The following GPM6A variants were observed in gnomAD, a reference collection of about 807,000 sequenced individuals.
GPM6A encodes the protein neuronal membrane glycoprotein M6-a.
Under a neutral mutation model 32.1 loss-of-function variants are expected in GPM6A, and 7 were observed. The observed-to-expected ratio is 0.22, with a 90% CI of 0.12 to 0.41. The LOEUF (loss-of-function observed/expected upper bound fraction) is 0.41, where lower values mean the gene tolerates loss of function less well. Ranked by LOEUF, GPM6A falls within the 10% of genes least tolerant of loss-of-function variation. GPM6A has a pLI of 1.00. For missense variants in GPM6A, 235 were observed against 347.2 expected, an observed-to-expected ratio of 0.68 and a Z score of 2.57; for synonymous variants, 130 against 123.4, an observed-to-expected ratio of 1.05 and a Z score of -0.35.
chr4:175,779,683 A>T (rs1196688792), intron 1 of GPM6A, among the ~76,000 whole-genome samples: 1 of 152,146 alleles, frequency 6.6e-6, no homozygotes, highest in East Asian at 1.9e-4. Flanking sequence ...AATAACAAAA[A>T]ACTTTTCTAT....
chr4:175,996,155 T>G (rs1018397354), intron 1 of GPM6A, among the ~76,000 whole-genome samples: 6 of 152,218 alleles, frequency 3.9e-5, no homozygotes, highest in African/African-American at 1.4e-4. Flanking sequence ...TCATTTACCC[T>G]AATTTTTCTT....
At chr4:175,745,515 C>A (rs905101047) in intron 1 of GPM6A, among the ~76,000 whole-genome samples, 1 of 152,168 alleles carries the variant, frequency 6.6e-6, no homozygotes, top group East Asian at 1.9e-4. Context: ...GCTAGAAGAA[C>A]CCAGATGAAT....
chr4:175,651,545 A>C (rs994572653), intron 4 of GPM6A, among the ~76,000 whole-genome samples: 1 of 152,118 alleles, frequency 6.6e-6, no homozygotes, highest in African/African-American at 2.4e-5. Flanking sequence ...AGAGCAAAGG[A>C]ATCAAGAAAA....
intron 1 of GPM6A, among the ~76,000 whole-genome samples, chr4:175,773,858 T>A (rs1322656599): frequency 6.6e-6 from 1 of 152,140 alleles, no homozygotes; most frequent in Non-Finnish European, 1.5e-5. Context: ...AAGACTGTTT[T>A]TAAAAATAGA....
chr4:175,998,358 C>T (rs1394290938), intron 1 of GPM6A, among the ~76,000 whole-genome samples: 2 of 151,998 alleles, frequency 1.3e-5, no homozygotes, highest in Non-Finnish European at 2.9e-5. Flanking sequence ...CACTATGTTG[C>T]TCAGGTTGGT....
intron 1 of GPM6A, among the ~76,000 whole-genome samples, chr4:175,835,064 C>A (rs1735722536): frequency 6.6e-6 from 1 of 152,200 alleles, no homozygotes; most frequent in Admixed American, 6.5e-5. Flanking sequence ...GAAGACAGTG[C>A]TGCCGAACTT....
chr4:175,843,361 T>G (rs1037954845), intron 1 of GPM6A, among the ~76,000 whole-genome samples: 9 of 152,204 alleles, frequency 5.9e-5, no homozygotes, highest in Non-Finnish European at 1.2e-4. Flanking sequence ...AAGCTAAATG[T>G]AAATCTACTG....
chr4:175,947,332 G>T (rs540588695), intron 1 of GPM6A, among the ~76,000 whole-genome samples: 1 of 152,038 alleles, frequency 6.6e-6, no homozygotes, highest in South Asian at 2.1e-4. Flanking sequence ...GGAAAACTTC[G>T]ACTGAAGAAA....
At chr4:175,720,800 TCACAGC>T (rs1431238057) in intron 1 of GPM6A, among the ~76,000 whole-genome samples, 1 of 152,032 alleles carries the variant, frequency 6.6e-6, no homozygotes, top group Non-Finnish European at 1.5e-5. Flanking sequence ...TATACTGAAT[TCACAGC>T]AAGAGAACCA....
chr4:175,648,609 C>G (rs1030096416), intron 4 of GPM6A, among the ~76,000 whole-genome samples: 6 of 152,188 alleles, frequency 3.9e-5, no homozygotes, highest in Admixed American at 1.3e-4. Flanking sequence ...AAAGCTAAAA[C>G]CAAAAGGTCA....
chr4:175,681,667 C>T (rs1368211597), intron 2 of GPM6A, among the ~76,000 whole-genome samples: 1 of 151,946 alleles, frequency 6.6e-6, no homozygotes, highest in Non-Finnish European at 1.5e-5. Context: ...CTCTCTTGCT[C>T]CCACTCTGGC....
At chr4:175,760,173 C>G (rs1732683287) in intron 1 of GPM6A, among the ~76,000 whole-genome samples, 1 of 151,970 alleles carries the variant, frequency 6.6e-6, no homozygotes, top group Non-Finnish European at 1.5e-5. Context: ...GAGACTCCGT[C>G]TCAACAAAAA....
At chr4:175,914,489 A>G (rs886846309) in intron 1 of GPM6A, among the ~76,000 whole-genome samples, 1 of 152,004 alleles carries the variant, frequency 6.6e-6, no homozygotes, top group Non-Finnish European at 1.5e-5. Flanking sequence ...CGACCAGTTA[A>G]TTTTTGTATT....
At chr4:175,687,041 T>C (rs1021472842) in intron 2 of GPM6A, among the ~76,000 whole-genome samples, 2 of 152,206 alleles carry the variant, frequency 1.3e-5, no homozygotes, top group African/African-American at 4.8e-5. Flanking sequence ...TATATTGAAG[T>C]TGATGTTTCC....
At chr4:175,968,354 A>T (rs1258403261) in intron 1 of GPM6A, among the ~76,000 whole-genome samples, 1 of 152,222 alleles carries the variant, frequency 6.6e-6, no homozygotes, top group Non-Finnish European at 1.5e-5. Context: ...AATGTAAGTG[A>T]TTTTAGGTTT....
intron 1 of GPM6A, among the ~76,000 whole-genome samples, chr4:175,843,349 T>G: frequency 6.6e-6 from 1 of 152,210 alleles, no homozygotes; most frequent in East Asian, 1.9e-4. Context: ...AGGAACATGC[T>G]TAAGCTAAAT....
At chr4:175,787,414 A>G (rs1733845464) in intron 1 of GPM6A, 1 of 1,533,766 alleles carries the variant, frequency 6.5e-7, no homozygotes, top group Non-Finnish European at 8.7e-7. Flanking sequence ...ATTCAAGGGC[A>G]TAAGCTCTCT....
rs35210127 is a variant in GPM6A, at chr4:175,889,518, C to CA, written c.-22-77270dup. 2.5e-3 allele frequency among the ~76,000 whole-genome samples: 342 copies of CA among 136,992 alleles called. 5 individuals carry two copies. Among genetic ancestry groups the CA allele is most frequent in the East Asian group, 7.8e-3 (36 of 4,640 alleles). 89.9% of individuals were successfully genotyped at this position (136,992 alleles called of 152,430 possible). ...GAGTGACAGAGCAAAACCCTGTCTC[C>CA]AAAAAAAAAAAAAGAGGCCAGGCGC... On this transcript the variant is annotated intron_variant, in intron 1 of 7. Transcript: ENST00000280187.
chr4:175,800,982 G>A (rs1734450290), intron 1 of GPM6A: 3 of 194,254 alleles, frequency 1.5e-5, no homozygotes, highest in Admixed American at 1.4e-4. Flanking sequence ...ATTAAGACAA[G>A]CAGGGTAAGT....
Sources: gnomAD v4.1 joint callset for allele counts (sites outside exome capture counted in the v4.1 genomes callset) on GRCh38, gnomAD v4.1.1 for gene constraint, MANE v1.5 for transcripts, NCBI Gene and HGNC (gene_info 2026-07-23, HGNC 2026-07-21) for gene names.